Variants in SRRM1 observed in about 807,000 individuals in gnomAD.
SRRM1 encodes serine/arginine repetitive matrix protein 1.
Under a neutral mutation model 110.2 loss-of-function variants are expected in SRRM1, and 19 were observed. The ratio of observed to expected loss-of-function variants is 0.17; its 90% CI spans 0.12 to 0.25. The LOEUF (loss-of-function observed/expected upper bound fraction) is 0.25, where lower values mean the gene tolerates loss of function less well. Among genes scored for constraint, SRRM1 ranks in the 10% least tolerant of loss-of-function variants. The pLI is 1.00. For synonymous variants in SRRM1, 443 were observed against 414.9 expected (o/e 1.07, Z -0.82); for missense variants, 918 against 1,145.8 (o/e 0.80, Z 2.87).
chr1:24,655,020 ACCT>A lies in SRRM1; in HGVS notation c.1210_1212del (p.Pro404del), dbSNP rs1557686624. ...CTCCAAGGCGAAGGCACAGGCCATC[ACCT>A]CCTGCAACTCCACCACCCAAAACTC... On this transcript the variant is annotated inframe_deletion, in exon 9 of 17. Transcript: ENST00000323848. 3 of 1,614,052 alleles carry A rather than the reference ACCT, an allele frequency of 1.9e-6. No homozygotes were observed. The highest frequency in any genetic ancestry group is 1.7e-5 in the Admixed American group (1 of 59,994).
chr1:24,667,189 T>C (rs1460421459), intron 13 of SRRM1, among the ~76,000 whole-genome samples: 1 of 152,182 alleles, frequency 6.6e-6, no homozygotes, highest in South Asian at 2.1e-4. Context: ...ATGAAAAGTC[T>C]AGAATACACA....
At chr1:24,669,932 T>G in intron 14 of SRRM1, 188 bp from the exon 15 acceptor site, 2 of 602,528 alleles carry the variant, frequency 3.3e-6, no homozygotes, top group East Asian at 2.9e-5. Context: ...AGATAGAGGA[T>G]TATGGGGCTT....
At chr1:24,659,782 C>G (rs1403692699) in intron 9 of SRRM1, among the ~76,000 whole-genome samples, 2 of 152,156 alleles carry the variant, frequency 1.3e-5, no homozygotes, top group Non-Finnish European at 2.9e-5. Flanking sequence ...AGCAGGCTTA[C>G]AAAAGGTAGT....
intron 9 of SRRM1, among the ~76,000 whole-genome samples, chr1:24,655,540 C>G (rs549725113): frequency 2.3e-4 from 35 of 151,966 alleles, no homozygotes; most frequent in Non-Finnish European, 4.6e-4. Context: ...CTTTCTTGGT[C>G]GCATTGCGCT....
intron 15 of SRRM1, among the ~76,000 whole-genome samples, chr1:24,670,747 T>C (rs1242503924): frequency 6.6e-6 from 1 of 152,250 alleles, no homozygotes; most frequent in Non-Finnish European, 1.5e-5. Context: ...ATCCTCCTGC[T>C]GTGGCCTCAG....
At chr1:24,646,225 A>G (rs760153648) in intron 2 of SRRM1, 152 bp downstream of exon 2, 54 of 621,546 alleles carry the variant, frequency 8.7e-5, no homozygotes, top group Non-Finnish European at 1.3e-4. Flanking sequence ...TGGCACAGCC[A>G]TATAAGAATT....
In SRRM1 at chr1:24,661,340, C is replaced by T; in HGVS notation, c.1427C>T (p.Ala476Val). 2 of 1,613,170 alleles carry T rather than the reference C, an allele frequency of 1.2e-6. No homozygotes were observed. The highest frequency in any genetic ancestry group is 1.3e-5 in the African/African-American group (1 of 75,018). Residue 476 changes from alanine to valine, a missense_variant, in exon 11 of 17, where the codon GCA becomes GTA. Ala to Val is a moderately conservative substitution (Grantham distance 64, BLOSUM62 0). Coordinates refer to ENST00000323848, the MANE Select transcript of SRRM1 (RefSeq NM_005839.4). ...EEDKGGKMAA[A>V]DSVQQRRQYR... ...GATAAAGGTGGCAAAATGGCTGCAG[C>T]AGATTCTGTGCAGCAGAGACGCCAA...
At position 24,670,447 on chromosome 1, in the gene SRRM1, G is replaced by C. The variant is rs1459137339; in HGVS notation, c.2400+132G>C. 3.2e-6 allele frequency: 3 copies of C among 928,818 alleles called. No individual in the cohort carries two copies. The African/African-American group carries it at 5.2e-5, about 16-fold the overall frequency. 57.5% of individuals were successfully genotyped at this position (928,818 alleles called of 1,614,324 possible). A position where few individuals can be genotyped will look rare whatever the true frequency, so the allele number is the denominator to read the frequency against. On this transcript the variant is annotated intron_variant, in intron 15 of 16. Coordinates refer to ENST00000323848, the MANE Select transcript of SRRM1 (RefSeq NM_005839.4). The stretch of plus-strand genomic sequence containing the variant: ...TTTCCCATTTGTGAGTTATACATCT[G>C]ATCTTGGGCAGGTTTCTGTATTGCA...
intron 9 of SRRM1, among the ~76,000 whole-genome samples, chr1:24,655,384 G>GC (rs1663478130): frequency 6.6e-6 from 1 of 152,156 alleles, no homozygotes; most frequent in Admixed American, 6.5e-5. Flanking sequence ...CCAGCCGTGG[G>GC]CTGTTTGAGT....
At chr1:24,659,814 G>A (rs1341580359) in intron 9 of SRRM1, among the ~76,000 whole-genome samples, 1 of 152,178 alleles carries the variant, frequency 6.6e-6, no homozygotes, top group African/African-American at 2.4e-5. Flanking sequence ...TATGTTATTG[G>A]TAAAAGACAA....
At position 24,669,243 on chromosome 1, in the gene SRRM1, T is replaced by A. The variant is rs776930653; in HGVS notation, c.1860T>A (p.Pro620=). 1.2e-6 allele frequency: 2 copies of A among 1,613,700 alleles called. No individual in the cohort carries two copies. The highest frequency in any genetic ancestry group is 2.2e-5 in the East Asian group (1 of 44,850). ...PKRRTASPPP[P]PKRRASPSPP... The stretch of plus-strand genomic sequence containing the variant: ...GAAGAACGGCTTCACCTCCTCCCCC[T>A]CCTAAACGAAGAGCATCACCATCTC... Residue 620 remains proline, a synonymous_variant, in exon 14 of 17, where the codon CCT becomes CCA. Transcript: ENST00000323848.
Position 24,643,486 on chromosome 1 carries a change from C to G in SRRM1, c.21+139C>G, listed in dbSNP as rs1030921040. 6.4e-5 allele frequency: 32 copies of G among 496,428 alleles called. 2 individuals are homozygous for G. The highest frequency in any genetic ancestry group is 4.0e-4 in the East Asian group (10 of 24,746). The allele number at this position is 496,428 out of a possible 1,614,324, so 30.8% of individuals were successfully genotyped here. ...GATTCCTCCTAGAGCCGGCGCACCC[C>G]CCCCCCCCCCGTGCGCTGCGGCGGA... On this transcript the variant is annotated intron_variant, in intron 1 of 16. Transcript: ENST00000323848.
intron 13 of SRRM1, among the ~76,000 whole-genome samples, chr1:24,668,748 G>A (rs191881610): frequency 1.2e-4 from 19 of 152,288 alleles, no homozygotes; most frequent in Middle Eastern, 6.8e-3. Context: ...TGCTAATACA[G>A]TTACTTGGTT....
rs1442447857 is a variant in SRRM1, at chr1:24,652,571, C to T, written c.863C>T (p.Thr288Met). 3.1e-6 allele frequency: 5 copies of T among 1,613,822 alleles called. No homozygotes were observed. Among genetic ancestry groups the T allele is most frequent in the Admixed American group, 1.7e-5 (1 of 59,978 alleles). ...TCACGCTCCAAATCAAGATCCCGGA[C>T]GCGGTCCCGCTCTCCTTCTCACACT... ...SRSRSKSRSR[T>M]RSRSPSHTRP... is the part of the protein sequence containing the mutation. The change falls in exon 7 of 17, where the codon ACG becomes ATG. Residue 288 changes from threonine to methionine, a missense_variant. Transcript: ENST00000323848.
At chr1:24,669,853 A>G in intron 14 of SRRM1, 2 of 559,992 alleles carry the variant, frequency 3.6e-6, no homozygotes. Context: ...TAAGACATTG[A>G]ACATTTCTTG....
chr1:24,660,606 G>A, intron 9 of SRRM1, 113 bp from the exon 10 acceptor site: 1 of 460,042 alleles, frequency 2.2e-6, no homozygotes. Flanking sequence ...CTAATATAGT[G>A]AGACCCCATC....
chr1:24,647,934 G>A (rs1557653635), intron 3 of SRRM1: 1 of 152,180 alleles, frequency 6.6e-6, no homozygotes, highest in Non-Finnish European at 1.5e-5. Context: ...CCCTTGTAGT[G>A]AGCATGAGAT....
At chr1:24,663,090 T>C (rs759501891) in intron 12 of SRRM1, 12 of 1,211,714 alleles carry the variant, frequency 9.9e-6, no homozygotes, top group Non-Finnish European at 1.1e-5. Context: ...CTTTGAATAT[T>C]TAAAAATGTC....
At chr1:24,658,411 G>A (rs1367131473) in intron 9 of SRRM1, among the ~76,000 whole-genome samples, 3 of 152,126 alleles carry the variant, frequency 2.0e-5, no homozygotes, top group Non-Finnish European at 4.4e-5. Context: ...CTTTAGCTGA[G>A]TAATTAGTGA....
Sources: allele counts gnomAD v4.1 joint callset (sites outside exome capture counted in the v4.1 genomes callset), GRCh38; gene constraint gnomAD v4.1.1; transcripts MANE v1.5; gene names NCBI Gene and HGNC (gene_info 2026-07-23, HGNC 2026-07-21).